Variants in NFIA observed in about 807,000 individuals in gnomAD.
The protein encoded by NFIA is nuclear factor I A, also known as nuclear factor 1 A-type.
In NFIA, 8 loss-of-function variants were observed where a neutral mutation model predicts 62.8. The ratio of observed to expected loss-of-function variants is 0.13; its 90% CI spans 0.07 to 0.23. NFIA has a LOEUF of 0.23. Among genes scored for constraint, NFIA ranks in the 10% least tolerant of loss-of-function variants. The probability of loss-of-function intolerance (pLI) is 1.00; values close to 1 mark genes in which losing one functional copy is unlikely to be tolerated. For synonymous variants in NFIA, 235 were observed against 238.1 expected (o/e 0.99, Z 0.12); for missense variants, 410 against 642.1 (o/e 0.64, Z 3.91).
At chr1:61,361,782 G>GGTGTGTGTGTGT (rs61410878) in intron 6 of NFIA, among the ~76,000 whole-genome samples, 32 of 142,270 alleles carry the variant, frequency 2.2e-4, no homozygotes, top group African/African-American at 6.1e-4. Context: ...TTTGGTAAGA[G>GGTGTGTGTGTGT]GTGTGTGTGT....
At chr1:61,138,255 A>T (rs1414244908) in intron 2 of NFIA, among the ~76,000 whole-genome samples, 1 of 151,896 alleles carries the variant, frequency 6.6e-6, no homozygotes, top group Middle Eastern at 3.4e-3. Flanking sequence ...GCCACCACGT[A>T]GGGCTAATTT....
chr1:61,404,298 T>G lies in NFIA; in HGVS notation c.1254+16T>G, dbSNP rs1030351894. On this transcript the variant is annotated intron_variant, in intron 8 of 10. Coordinates refer to ENST00000403491, the MANE Select transcript of NFIA (RefSeq NM_001134673.4). Reference sequence around the variant, plus strand: ...GTTCCTCAATGTAAGGAAACCTCTTTTTTTCCATTTCTTTAGAAATGTTAG... The same window carrying G: ...GTTCCTCAATGTAAGGAAACCTCTTGTTTTCCATTTCTTTAGAAATGTTAG... 2.5e-6 allele frequency: 4 copies of G among 1,585,184 alleles called. No individual in the cohort carries two copies. The highest frequency in any genetic ancestry group is 3.4e-6 in the Non-Finnish European group (4 of 1,167,690).
intron 7 of NFIA, among the ~76,000 whole-genome samples, chr1:61,389,616 C>A (rs549326389): frequency 6.6e-6 from 1 of 152,142 alleles, no homozygotes; most frequent in Non-Finnish European, 1.5e-5. Context: ...TTTTCTCCCC[C>A]GACTGGGAGA....
At chr1:61,180,905 A>T (rs1650716979) in intron 2 of NFIA, among the ~76,000 whole-genome samples, 1 of 152,212 alleles carries the variant, frequency 6.6e-6, no homozygotes, top group Non-Finnish European at 1.5e-5. Flanking sequence ...TAGAATCTTT[A>T]TTTCTCCATC....
At chr1:61,196,261 A>G (rs1166523734) in intron 2 of NFIA, among the ~76,000 whole-genome samples, 2 of 152,160 alleles carry the variant, frequency 1.3e-5, no homozygotes, top group East Asian at 3.9e-4. Flanking sequence ...AGAAATTTGT[A>G]TAAACTTTAT....
intron 2 of NFIA, among the ~76,000 whole-genome samples, chr1:61,152,251 T>C (rs1258422195): frequency 1.3e-5 from 2 of 152,338 alleles, no homozygotes; most frequent in East Asian, 1.9e-4. Flanking sequence ...TGTGGAATGC[T>C]GCACTGCGCC....
At chr1:61,375,541 C>T (rs192473585) in intron 6 of NFIA, among the ~76,000 whole-genome samples, 58 of 152,264 alleles carry the variant, frequency 3.8e-4, no homozygotes, top group Non-Finnish European at 5.1e-4. Flanking sequence ...TACTCCCCCG[C>T]GCCCTCACCC....
At chr1:61,404,915 G>A (rs766990871) in intron 8 of NFIA, among the ~76,000 whole-genome samples, 1 of 152,078 alleles carries the variant, frequency 6.6e-6, no homozygotes, top group Non-Finnish European at 1.5e-5. Context: ...AATTTGAAAT[G>A]GCATTCCAAA....
upstream of NFIA, chr1:61,082,338 C>T: frequency 7.0e-6 from 2 of 284,216 alleles, no homozygotes; most frequent in Non-Finnish European, 1.1e-5. Flanking sequence ...CGGCTGGCCG[C>T]GCGGCGCCGC....
chr1:61,156,389 C>G (rs1165075331), intron 2 of NFIA, among the ~76,000 whole-genome samples: 1 of 152,092 alleles, frequency 6.6e-6, no homozygotes, highest in Non-Finnish European at 1.5e-5. Flanking sequence ...TTATTAGAGA[C>G]CATTGAGACG....
chr1:61,097,170 A>G (rs1646430962), intron 2 of NFIA, among the ~76,000 whole-genome samples: 2 of 152,032 alleles, frequency 1.3e-5, no homozygotes. Context: ...AAAAAATAGT[A>G]CTCATATCCT....
intron 7 of NFIA, among the ~76,000 whole-genome samples, chr1:61,394,845 A>G (rs1665184589): frequency 6.6e-6 from 1 of 152,180 alleles, no homozygotes; most frequent in African/African-American, 2.4e-5. Flanking sequence ...GCGGTGGCTC[A>G]CACCTGTAAT....
chr1:61,187,166 A>G (rs1651245947), intron 2 of NFIA, among the ~76,000 whole-genome samples: 1 of 152,244 alleles, frequency 6.6e-6, no homozygotes, highest in African/African-American at 2.4e-5. Context: ...ATTGCTTGGC[A>G]TATGGTAAGC....
rs1396183690 is a variant in NFIA at position 61,461,612 on chromosome 1, C to G, written c.*6292C>G. 1 of 152,166 alleles carries G rather than the reference C, an allele frequency of 6.6e-6. No homozygotes were observed. The highest frequency in any genetic ancestry group is 1.5e-5 in the Non-Finnish European group (1 of 68,050). The allele number at this position is 152,166 out of a possible 1,614,324, so 9.4% of individuals were successfully genotyped here. A position where few individuals can be genotyped will look rare whatever the true frequency, so the allele number is the denominator to read the frequency against. On this transcript the variant is annotated 3_prime_UTR_variant, in exon 11 of 11. Transcript: ENST00000403491. ...ATGCTTAGAAAGATAAGGGGGACCA[C>G]CCACAGCTGGTCGTGAGAACAGGGA...
chr1:61,165,185 T>C (rs1273050030), intron 2 of NFIA, among the ~76,000 whole-genome samples: 1 of 152,226 alleles, frequency 6.6e-6, no homozygotes, highest in Non-Finnish European at 1.5e-5. Flanking sequence ...CATTTTAATA[T>C]ATGAATTACT....
chr1:61,151,333 C>G (rs912954324), intron 2 of NFIA, among the ~76,000 whole-genome samples: 5 of 151,994 alleles, frequency 3.3e-5, no homozygotes, highest in Non-Finnish European at 5.9e-5. Context: ...CCTCAGCCTC[C>G]CAAGTAGCTG....
At chr1:61,096,131 A>T (rs903154628) in intron 2 of NFIA, among the ~76,000 whole-genome samples, 2 of 152,196 alleles carry the variant, frequency 1.3e-5, no homozygotes, top group Non-Finnish European at 2.9e-5. Context: ...GTTTAAAATT[A>T]AAAAATTAAA....
chr1:61,159,870 CG>C (rs1649068996), intron 2 of NFIA, among the ~76,000 whole-genome samples: 1 of 151,844 alleles, frequency 6.6e-6, no homozygotes, highest in African/African-American at 2.4e-5. Flanking sequence ...TTAGTAGAGA[CG>C]GGGTTTCACC....
rs370498992 is a variant in NFIA at position 61,394,196 on chromosome 1, CAG to C, written c.1076-9905_1076-9904del. On this transcript the variant is annotated intron_variant, in intron 7 of 10. Coordinates refer to ENST00000403491, the MANE Select transcript of NFIA (RefSeq NM_001134673.4). ...TTACCCCCCTCTGCCCCACCCAAGA[CAG>C]AGTCTTGCTCTGTTGCCCAGGCTGG... Among the ~76,000 whole-genome samples, 63 of 152,298 alleles carry C rather than the reference CAG, an allele frequency of 4.1e-4. 4 individuals carry two copies. In the East Asian group the frequency reaches 0.012, roughly 29 times the overall value.
Sources: allele counts gnomAD v4.1 joint callset (sites outside exome capture counted in the v4.1 genomes callset), GRCh38; gene constraint gnomAD v4.1.1; transcripts MANE v1.5; gene names NCBI Gene and HGNC (gene_info 2026-07-23, HGNC 2026-07-21).